The following ZMAT4 variants were observed in gnomAD, a reference collection of about 807,000 sequenced individuals.
ZMAT4 encodes the protein zinc finger matrin-type protein 4.
A neutral mutation model predicts 28.7 loss-of-function variants in ZMAT4; 17 were observed. The observed-to-expected ratio is 0.59, with a 90% confidence interval of 0.41 to 0.89. ZMAT4 has a LOEUF of 0.89. Among genes scored for constraint, ZMAT4 ranks in the 40% least tolerant of loss-of-function variants. The pLI is 0.00. For synonymous variants in ZMAT4, 117 were observed against 109.2 expected (o/e 1.07, Z -0.44); for missense variants, 240 against 283.8 (o/e 0.85, Z 1.11).
At chr8:40,713,602 G>A (rs1810716379) in intron 3 of ZMAT4, among the ~76,000 whole-genome samples, 2 of 151,992 alleles carry the variant, frequency 1.3e-5, no homozygotes, top group South Asian at 2.1e-4. Flanking sequence ...AACTAAAAAT[G>A]GATAAAAAGA....
At chr8:40,754,209 A>T (rs2150549113) in intron 3 of ZMAT4, among the ~76,000 whole-genome samples, 1 of 152,204 alleles carries the variant, frequency 6.6e-6, no homozygotes, top group East Asian at 1.9e-4. Context: ...AATGGCATGC[A>T]AACAAACAAG....
chr8:40,774,954 A>T (rs889075068), intron 2 of ZMAT4, among the ~76,000 whole-genome samples: 3 of 152,212 alleles, frequency 2.0e-5, no homozygotes, highest in Admixed American at 2.0e-4. Flanking sequence ...CTGATGATTT[A>T]TCATTCTAAT....
intron 1 of ZMAT4, among the ~76,000 whole-genome samples, chr8:40,828,904 A>C (rs1816175586): frequency 6.6e-6 from 1 of 151,848 alleles, no homozygotes; most frequent in Non-Finnish European, 1.5e-5. Context: ...TTAGAAGAGG[A>C]TTTTAGCTTC....
At chr8:40,808,959 C>A (rs1187603726) in intron 2 of ZMAT4, among the ~76,000 whole-genome samples, 1 of 151,840 alleles carries the variant, frequency 6.6e-6, no homozygotes, top group East Asian at 1.9e-4. Flanking sequence ...TGGGTATATA[C>A]CCAGTACTAG....
chr8:40,620,990 T>C (rs957898003), intron 5 of ZMAT4, among the ~76,000 whole-genome samples: 1 of 152,228 alleles, frequency 6.6e-6, no homozygotes, highest in African/African-American at 2.4e-5. Flanking sequence ...ATTTATATTC[T>C]AATATTAGCA....
At chr8:40,693,404 G>GCT (rs1809742118) in intron 4 of ZMAT4, among the ~76,000 whole-genome samples, 1 of 152,124 alleles carries the variant, frequency 6.6e-6, no homozygotes. Context: ...GTATGAGCCT[G>GCT]CTCTCAGTCA....
chr8:40,874,997 C>G (rs146786098), intron 1 of ZMAT4, among the ~76,000 whole-genome samples: 26 of 152,320 alleles, frequency 1.7e-4, no homozygotes, highest in African/African-American at 3.4e-4. Context: ...GAAAGCCCCC[C>G]CAAAATGCAC....
chr8:40,872,218 C>T (rs914683743), intron 1 of ZMAT4, among the ~76,000 whole-genome samples: 2 of 152,328 alleles, frequency 1.3e-5, no homozygotes, highest in South Asian at 2.1e-4. Flanking sequence ...CATGCACACA[C>T]GCACACACTG....
intron 6 of ZMAT4, among the ~76,000 whole-genome samples, chr8:40,554,569 C>A (rs950401818): frequency 6.6e-6 from 1 of 152,134 alleles, no homozygotes; most frequent in Non-Finnish European, 1.5e-5. Context: ...TCATTCATCC[C>A]AGTTGGGTCA....
At chr8:40,892,668 T>A (rs1166748913) in intron 1 of ZMAT4, among the ~76,000 whole-genome samples, 5 of 152,366 alleles carry the variant, frequency 3.3e-5, no homozygotes, top group Middle Eastern at 3.4e-3. Context: ...CTCCCTCTGC[T>A]ATCAGCTCGC....
intron 5 of ZMAT4, among the ~76,000 whole-genome samples, chr8:40,672,147 A>G (rs1808700317): frequency 6.6e-6 from 1 of 152,234 alleles, no homozygotes; most frequent in South Asian, 2.1e-4. Flanking sequence ...GAGAAGTGCT[A>G]TGAGAGAAAG....
At chr8:40,787,712 T>C (rs1814146141) in intron 2 of ZMAT4, among the ~76,000 whole-genome samples, 1 of 152,168 alleles carries the variant, frequency 6.6e-6, no homozygotes, top group African/African-American at 2.4e-5. Flanking sequence ...CCGTGTGGTC[T>C]ACAAGTGTGA....
chr8:40,866,076 G>T (rs1318949499), intron 1 of ZMAT4, among the ~76,000 whole-genome samples: 1 of 152,168 alleles, frequency 6.6e-6, no homozygotes, highest in Non-Finnish European at 1.5e-5. Context: ...CCTAGAACAA[G>T]GCATTCCGAA....
At chr8:40,583,255 T>C (rs1361790716) in intron 5 of ZMAT4, among the ~76,000 whole-genome samples, 2 of 152,146 alleles carry the variant, frequency 1.3e-5, no homozygotes, top group Non-Finnish European at 2.9e-5. Context: ...TGGTTTGTTA[T>C]CTTCCCTGGT....
chr8:40,861,372 T>C (rs1817484653), intron 1 of ZMAT4, among the ~76,000 whole-genome samples: 2 of 152,238 alleles, frequency 1.3e-5, no homozygotes, highest in South Asian at 4.1e-4. Flanking sequence ...GCTAGCCATA[T>C]GTAGAAAGCT....
chr8:40,602,562 A>C (rs531128398), intron 5 of ZMAT4, among the ~76,000 whole-genome samples: 9 of 152,248 alleles, frequency 5.9e-5, no homozygotes, highest in African/African-American at 2.2e-4. Flanking sequence ...GATTATGGCC[A>C]TTCTTACAGG....
intron 3 of ZMAT4, 39 bp downstream of exon 3, chr8:40,767,602 C>A: frequency 6.4e-7 from 1 of 1,568,572 alleles, no homozygotes; most frequent in Non-Finnish European, 8.7e-7. Context: ...GTACACAGAA[C>A]AAATCATCTG....
At chr8:40,669,682 G>C (rs1461179027) in intron 5 of ZMAT4, among the ~76,000 whole-genome samples, 1 of 152,154 alleles carries the variant, frequency 6.6e-6, no homozygotes, top group Non-Finnish European at 1.5e-5. Context: ...CAAAATATGT[G>C]TTAATCAACT....
At position 40,634,239 on chromosome 8, in the gene ZMAT4, C is replaced by T. The variant is rs547507269; in HGVS notation, c.577+40465G>A. On this transcript the variant is annotated intron_variant, in intron 5 of 6. Transcript: ENST00000297737. ...AAGATTGTTTAAACATCAGACACAA[C>T]GGAGCTTTAAACAGCACTGGACTGA... Among the ~76,000 whole-genome samples, 204 of 152,268 alleles carry T rather than the reference C, an allele frequency of 1.3e-3. 1 individual carries two copies. Among genetic ancestry groups the T allele is most frequent in the South Asian group, 6.2e-4 (3 of 4,822 alleles).
Sources: allele counts gnomAD v4.1 joint callset (sites outside exome capture counted in the v4.1 genomes callset), GRCh38; gene constraint gnomAD v4.1.1; transcripts MANE v1.5; gene names NCBI Gene and HGNC (gene_info 2026-07-23, HGNC 2026-07-21).